The following PPP1R1C variants were observed in gnomAD, a reference collection of about 807,000 sequenced individuals.
PPP1R1C encodes the protein protein phosphatase 1 regulatory inhibitor subunit 1C, also known as protein phosphatase 1 regulatory subunit 1C.
PPP1R1C carries 15 observed loss-of-function variants against 17.4 expected under a neutral mutation model. The observed-to-expected ratio is 0.86, with a 90% CI of 0.58 to 1.33. PPP1R1C has a LOEUF of 1.33. Ranked by LOEUF, PPP1R1C falls within the 40% of genes most tolerant of loss-of-function variation. The pLI, the probability that PPP1R1C is intolerant of heterozygous loss-of-function variation, is 0.00. For missense variants in PPP1R1C, 143 were observed against 130.0 expected, an observed-to-expected ratio of 1.10 and a Z score of -0.48; for synonymous variants, 35 against 43.1, an observed-to-expected ratio of 0.81 and a Z score of 0.73.
chr2:181,995,510 G>A (rs1051220094), intron 2 of PPP1R1C, among the ~76,000 whole-genome samples: 3 of 152,176 alleles, frequency 2.0e-5, no homozygotes, highest in Admixed American at 6.5e-5. Flanking sequence ...ACTCTAGTCT[G>A]AGTCCATTGA....
At chr2:181,980,116 T>C (rs372030808) in intron 2 of PPP1R1C, among the ~76,000 whole-genome samples, 3 of 152,206 alleles carry the variant, frequency 2.0e-5, no homozygotes, top group South Asian at 4.1e-4. Flanking sequence ...TGTATTTGTG[T>C]TTGTATCACT....
At chr2:182,068,105 T>C (rs888124137) in intron 4 of PPP1R1C, among the ~76,000 whole-genome samples, 2 of 152,144 alleles carry the variant, frequency 1.3e-5, no homozygotes, top group Non-Finnish European at 2.9e-5. Context: ...TCCTTTTGGC[T>C]TTTTGCTTTA....
At chr2:182,108,234 T>A (rs1689313209) in intron 4 of PPP1R1C, among the ~76,000 whole-genome samples, 1 of 151,998 alleles carries the variant, frequency 6.6e-6, no homozygotes, top group African/African-American at 2.4e-5. Flanking sequence ...TAGGAAAAAA[T>A]TCTATTTGAC....
At chr2:182,008,090 A>AT (rs1685981179) in intron 2 of PPP1R1C, among the ~76,000 whole-genome samples, 1 of 129,044 alleles carries the variant, frequency 7.7e-6, no homozygotes. Context: ...CAAATAAATA[A>AT]AAAAATAAAA....
intron 4 of PPP1R1C, among the ~76,000 whole-genome samples, chr2:182,084,842 G>C (rs1455865503): frequency 1.3e-5 from 2 of 152,086 alleles, no homozygotes; most frequent in South Asian, 2.1e-4. Context: ...AGATTGCTTT[G>C]GGTAGTATGG....
chr2:182,051,127 C>T (rs1574411766), intron 2 of PPP1R1C, among the ~76,000 whole-genome samples: 1 of 152,294 alleles, frequency 6.6e-6, no homozygotes, highest in South Asian at 2.1e-4. Flanking sequence ...GTTTTAAGCA[C>T]TAACTCAACA....
At chr2:182,013,533 G>A (rs1034115632) in intron 2 of PPP1R1C, among the ~76,000 whole-genome samples, 1 of 152,060 alleles carries the variant, frequency 6.6e-6, no homozygotes, top group African/African-American at 2.4e-5. Context: ...TCTGCTTGGT[G>A]TTCTATACCC....
intron 2 of PPP1R1C, among the ~76,000 whole-genome samples, chr2:182,033,576 C>T (rs16822359): frequency 0.023 from 3,554 of 152,208 alleles, 142 homozygotes; most frequent in African/African-American, 0.08. Flanking sequence ...TCAAATGTGG[C>T]CCACATCTCC....
intron 2 of PPP1R1C, among the ~76,000 whole-genome samples, chr2:182,022,201 T>C (rs1454527174): frequency 6.6e-6 from 1 of 152,150 alleles, no homozygotes; most frequent in Non-Finnish European, 1.5e-5. Context: ...TTGATGAAAA[T>C]TTTTTGGTTA....
At chr2:182,000,596 A>G (rs1685733796) in intron 2 of PPP1R1C, among the ~76,000 whole-genome samples, 1 of 152,144 alleles carries the variant, frequency 6.6e-6, no homozygotes, top group Non-Finnish European at 1.5e-5. Context: ...CCATAGAGAC[A>G]TACACATTAG....
intron 5 of PPP1R1C, among the ~76,000 whole-genome samples, chr2:182,127,963 A>G (rs904432784): frequency 1.3e-5 from 2 of 152,102 alleles, no homozygotes; most frequent in Non-Finnish European, 2.9e-5. Flanking sequence ...ATATTAGGTA[A>G]TACGGGCTGG....
In PPP1R1C at chr2:182,008,374, G is replaced by C. The variant is rs151080765; in HGVS notation, c.142+20475G>C. ...TTACAATAAAAAAAAACAGAAAATG[G>C]ACTTCTCTGATAAATTTACTTTGAA... On this transcript the variant is annotated intron_variant, in intron 2 of 4. Coordinates refer to ENST00000682840, the MANE Select transcript of PPP1R1C (RefSeq NM_001080545.3). Among the ~76,000 whole-genome samples, 516 of 152,136 alleles carry C rather than the reference G, an allele frequency of 3.4e-3. 2 individuals carry two copies. The highest frequency in any genetic ancestry group is 0.012 in the African/African-American group (500 of 41,530).
At chr2:182,073,824 T>TG (rs748503670) in intron 4 of PPP1R1C, among the ~76,000 whole-genome samples, 8 of 151,862 alleles carry the variant, frequency 5.3e-5, no homozygotes, top group Non-Finnish European at 8.8e-5. Flanking sequence ...CACTGTGGGG[T>TG]GGGGGCAGAA....
intron 4 of PPP1R1C, among the ~76,000 whole-genome samples, chr2:182,101,348 C>T (rs1436871649): frequency 6.6e-6 from 1 of 152,100 alleles, no homozygotes; most frequent in Non-Finnish European, 1.5e-5. Flanking sequence ...CCTTAATATG[C>T]CTAAATTATT....
At chr2:182,040,428 A>T (rs1361802956) in intron 2 of PPP1R1C, among the ~76,000 whole-genome samples, 1 of 152,082 alleles carries the variant, frequency 6.6e-6, no homozygotes, top group Non-Finnish European at 1.5e-5. Flanking sequence ...TTCTTCATAC[A>T]TTTATTGGCC....
At chr2:182,122,042 T>C (rs1248916164), downstream of PPP1R1C, among the ~76,000 whole-genome samples, 1 of 152,210 alleles carries the variant, frequency 6.6e-6, no homozygotes, top group Non-Finnish European at 1.5e-5. Context: ...TTACACTGAC[T>C]CTAAGAAAGG....
At chr2:182,017,822 G>T (rs1166382898) in intron 2 of PPP1R1C, among the ~76,000 whole-genome samples, 1 of 152,060 alleles carries the variant, frequency 6.6e-6, no homozygotes, top group African/African-American at 2.4e-5. Flanking sequence ...TACATCTATT[G>T]TTAGTCTCAA....
intron 2 of PPP1R1C, among the ~76,000 whole-genome samples, chr2:182,042,784 G>T (rs1211036258): frequency 2.6e-5 from 4 of 152,174 alleles, no homozygotes; most frequent in Non-Finnish European, 5.9e-5. Context: ...ATCAAGTCAT[G>T]AGACAAACAG....
intron 2 of PPP1R1C, among the ~76,000 whole-genome samples, chr2:181,998,678 G>A (rs1685681185): frequency 6.6e-6 from 1 of 152,162 alleles, no homozygotes; most frequent in South Asian, 2.1e-4. Context: ...TCATAAAGCA[G>A]AACACAGGAA....
Sources: allele counts gnomAD v4.1 joint callset (sites outside exome capture counted in the v4.1 genomes callset), GRCh38; gene constraint gnomAD v4.1.1; transcripts MANE v1.5; gene names NCBI Gene and HGNC (gene_info 2026-07-23, HGNC 2026-07-21).